The following TLK1 variants were observed in gnomAD, a reference collection of about 807,000 sequenced individuals.
TLK1 encodes tousled like kinase 1, also known as serine/threonine-protein kinase tousled-like 1.
A neutral mutation model predicts 105.3 loss-of-function variants in TLK1; 24 were observed. The observed-to-expected ratio is 0.23, with a 90% CI of 0.17 to 0.32. The LOEUF (loss-of-function observed/expected upper bound fraction) is 0.32. Ranked by LOEUF, TLK1 falls within the 10% of genes least tolerant of loss-of-function variation. The pLI is 1.00. For missense variants in TLK1, 558 were observed against 910.5 expected, an observed-to-expected ratio of 0.61 and a Z score of 4.98; for synonymous variants, 321 against 310.4, an observed-to-expected ratio of 1.03 and a Z score of -0.36.
intron 1 of TLK1, among the ~76,000 whole-genome samples, chr2:171,192,745 T>C (rs1693179703): frequency 6.6e-6 from 1 of 152,156 alleles, no homozygotes; most frequent in African/African-American, 2.4e-5. Flanking sequence ...TCTGAACCAC[T>C]GGACTTTAAG....
intron 18 of TLK1, among the ~76,000 whole-genome samples, chr2:170,998,787 G>T (rs1684208805): frequency 6.6e-6 from 1 of 151,840 alleles, no homozygotes; most frequent in Non-Finnish European, 1.5e-5. Context: ...AATTTTTTTT[G>T]ATACAGGGTC....
At chr2:171,019,807 C>T (rs747467906) in intron 12 of TLK1, among the ~76,000 whole-genome samples, 6 of 152,130 alleles carry the variant, frequency 3.9e-5, no homozygotes, top group Non-Finnish European at 7.4e-5. Flanking sequence ...CTTATAATCC[C>T]AGCACTTTGG....
chr2:171,187,260 C>T (rs952957204), intron 1 of TLK1, among the ~76,000 whole-genome samples: 1 of 152,000 alleles, frequency 6.6e-6, no homozygotes, highest in African/African-American at 2.4e-5. Context: ...GGCATCCACT[C>T]CTAGGAGCTT....
At chr2:171,106,604 A>G (rs1298693668) in intron 2 of TLK1, among the ~76,000 whole-genome samples, 1 of 152,204 alleles carries the variant, frequency 6.6e-6, no homozygotes, top group Admixed American at 6.5e-5. Flanking sequence ...CAATACTCCT[A>G]GATAATGTAT....
At chr2:171,089,759 C>T (rs1441914931) in intron 2 of TLK1, among the ~76,000 whole-genome samples, 1 of 152,272 alleles carries the variant, frequency 6.6e-6, no homozygotes, top group South Asian at 2.1e-4. Flanking sequence ...ACTGCACCCT[C>T]GAACTCCTGG....
At position 171,160,179 on chromosome 2, in the gene TLK1, C is replaced by T; in HGVS notation, c.139+111G>A. 1 of 1,201,830 alleles carries T rather than the reference C, an allele frequency of 8.3e-7. No homozygotes were observed. Among genetic ancestry groups the T allele is most frequent in the Middle Eastern group, 3.1e-4 (1 of 3,182 alleles). The allele number at this position is 1,201,830 out of a possible 1,614,324, so 74.4% of individuals were successfully genotyped here. The stretch of plus-strand genomic sequence containing the variant: ...GCGTCCACCTCGCCACCATCCCCCA[C>T]CCCAGGGTCTGGCGGAGAAGCCCCG... On this transcript the variant is annotated intron_variant, in intron 1 of 20. Coordinates refer to ENST00000431350, the MANE Select transcript of TLK1 (RefSeq NM_012290.5). The surrounding 1 kb of genome is among the most constrained non-coding windows in gnomAD (Gnocchi z 4.4).
chr2:171,146,338 G>A (rs1347047472), intron 1 of TLK1, among the ~76,000 whole-genome samples: 2 of 152,090 alleles, frequency 1.3e-5, no homozygotes, highest in African/African-American at 4.8e-5. Flanking sequence ...TGATTCTTTT[G>A]TAGTTCTTAA....
intron 1 of TLK1, among the ~76,000 whole-genome samples, chr2:171,181,224 C>T (rs1221032270): frequency 6.6e-6 from 1 of 152,176 alleles, no homozygotes; most frequent in African/African-American, 2.4e-5. Flanking sequence ...AAAATTGTCA[C>T]ACTCACAAGT....
At chr2:171,046,126 C>A in intron 11 of TLK1, 48 bp downstream of exon 11, 1 of 1,441,054 alleles carries the variant, frequency 6.9e-7, no homozygotes, top group Non-Finnish European at 9.2e-7. Flanking sequence ...AACATTCACG[C>A]TCACTGGCAA....
At chr2:171,223,628 C>T (rs997335470) in intron 1 of TLK1, among the ~76,000 whole-genome samples, 1 of 151,736 alleles carries the variant, frequency 6.6e-6, no homozygotes, top group Non-Finnish European at 1.5e-5. Flanking sequence ...TATAGGTGCT[C>T]ACCACCATAC....
chr2:171,149,292 G>GCCATGTATTT (rs1691935727), intron 1 of TLK1, among the ~76,000 whole-genome samples: 1 of 151,784 alleles, frequency 6.6e-6, no homozygotes, highest in Non-Finnish European at 1.5e-5. Context: ...TTGTTAAAGT[G>GCCATGTATTT]CCATGTATTT....
intron 6 of TLK1, 49 bp from the exon 7 acceptor site, chr2:171,055,221 A>C (rs550630997): frequency 1.8e-5 from 20 of 1,083,930 alleles, no homozygotes; most frequent in Admixed American, 6.4e-5. Flanking sequence ...AAAAAAAAAA[A>C]CACAAAACAA....
Position 171,117,824 on chromosome 2 carries a change from C to T in TLK1, c.173G>A (p.Arg58Lys). ...TCTAGCTTCCAATAACTCTTGCCTTCTTGGATCCAGACTATGAAGCTCATC... is the reference window on the plus strand; with the variant it reads ...TCTAGCTTCCAATAACTCTTGCCTTTTTGGATCCAGACTATGAAGCTCATC... ...AMDELHSLDP[R>K]RQELLEARFT... Residue 58 changes from arginine to lysine, a missense_variant, in exon 2 of 21, where the codon AGA becomes AAA. By Grantham distance (26) the Arg-to-Lys change is conservative. Coordinates refer to ENST00000431350, the MANE Select transcript of TLK1 (RefSeq NM_012290.5). 6 of 1,613,710 alleles carry T rather than the reference C, an allele frequency of 3.7e-6. No individual in the cohort carries two copies. Among genetic ancestry groups the T allele is most frequent in the Non-Finnish European group, 5.1e-6 (6 of 1,179,916 alleles).
chr2:171,195,522 A>AT (rs1491211244), intron 1 of TLK1, among the ~76,000 whole-genome samples: 1 of 143,424 alleles, frequency 7.0e-6, no homozygotes, highest in African/African-American at 2.7e-5. Flanking sequence ...AAAAAAAAAA[A>AT]CATAATCCAC....
chr2:171,108,215 C>T (rs1690016117), intron 2 of TLK1, among the ~76,000 whole-genome samples: 1 of 152,120 alleles, frequency 6.6e-6, no homozygotes, highest in African/African-American at 2.4e-5. Flanking sequence ...ATTCTTTATA[C>T]TACATTTTCA....
At chr2:171,155,237 C>A (rs1379562783) in intron 1 of TLK1, among the ~76,000 whole-genome samples, 1 of 152,120 alleles carries the variant, frequency 6.6e-6, no homozygotes, top group Non-Finnish European at 1.5e-5. Flanking sequence ...CTCATAATTT[C>A]TCTTACAAAA....
rs1441080497 is a variant in TLK1, at chr2:170,993,853, G to C, written c.2228C>G (p.Ser743Cys). Residue 743 changes from serine to cysteine, a missense_variant, in exon 21 of 21, where the codon TCT (serine) becomes TGT (cysteine). Around this residue, in one of 5 missense-constraint regions of TLK1, gnomAD observed 218 missense variants for 492.9 expected, o/e 0.44. Coordinates refer to ENST00000431350, the MANE Select transcript of TLK1 (RefSeq NM_012290.5). The stretch of plus-strand genomic sequence containing the variant: ...CCCAGCCATGTGTAGGTTTCCTGAA[G>C]AATTTGATCTTCTCATGTGTGGGAG... ...YLLPHMRRSN[S>C]SGNLHMAGLT... The C allele has an allele frequency of 1.2e-6, 2 of 1,613,256 alleles. No homozygotes were observed. The highest frequency in any genetic ancestry group is 1.3e-5 in the African/African-American group (1 of 74,974).
chr2:171,135,935 C>T (rs1400007143), intron 1 of TLK1, among the ~76,000 whole-genome samples: 3 of 152,024 alleles, frequency 2.0e-5, no homozygotes, highest in Non-Finnish European at 2.9e-5. Context: ...AAATGGGAAC[C>T]TTTGTGTACT....
At chr2:171,130,722 T>G (rs911387741) in intron 1 of TLK1, among the ~76,000 whole-genome samples, 1 of 152,230 alleles carries the variant, frequency 6.6e-6, no homozygotes, top group East Asian at 1.9e-4. Context: ...ATCCACCAGA[T>G]TTCCAATAAA....
Sources: allele counts gnomAD v4.1 joint callset (sites outside exome capture counted in the v4.1 genomes callset), GRCh38; gene constraint gnomAD v4.1.1; regional missense constraint gnomAD v4.1.1; non-coding constraint Gnocchi (gnomAD v3.1); transcripts MANE v1.5; gene names NCBI Gene and HGNC (gene_info 2026-07-23, HGNC 2026-07-21).